The following MATR3 variants were observed in gnomAD, a reference collection of about 807,000 sequenced individuals.
MATR3 encodes the protein matrin 3.
MATR3 carries 4 observed loss-of-function variants against 85.5 expected under a neutral mutation model. The ratio of observed to expected loss-of-function variants is 0.05; its 90% confidence interval spans 0.02 to 0.11. The LOEUF (loss-of-function observed/expected upper bound fraction) is 0.11, where lower values mean the gene tolerates loss of function less well. Ranked by LOEUF, MATR3 falls within the 10% of genes least tolerant of loss-of-function variation. The pLI, the probability that MATR3 is intolerant of heterozygous loss-of-function variation, is 1.00. For missense variants in MATR3, 685 were observed against 1,016.1 expected, an observed-to-expected ratio of 0.67 and a Z score of 4.43; for synonymous variants, 336 against 343.1, an observed-to-expected ratio of 0.98 and a Z score of 0.23.
At chr5:139,304,136 G>T (rs185071138) in intron 1 of MATR3, among the ~76,000 whole-genome samples, 1 of 152,248 alleles carries the variant, frequency 6.6e-6, no homozygotes, top group Admixed American at 6.5e-5. Flanking sequence ...GCTTAAAATT[G>T]TATCATAAAA....
chr5:139,329,401 G>A lies in MATR3; in HGVS notation c.*6G>A, dbSNP rs1165255715. 6.2e-7 allele frequency: 1 copy of A among 1,608,162 alleles called. No individual in the cohort carries two copies. Among genetic ancestry groups the A allele is most frequent in the East Asian group, 2.2e-5 (1 of 44,690 alleles). ...GACAGAAGAAGGAAACTTAAGATGT[G>A]CAAGGAGATTTAATGATTTCAAAGA... On this transcript the variant is annotated 3_prime_UTR_variant, in exon 15 of 15. Transcript: ENST00000394805.
rs576428600 is a variant in MATR3 at position 139,330,431 on chromosome 5, A to T, written c.*1036A>T. On this transcript the variant is annotated 3_prime_UTR_variant, in exon 15 of 15. Coordinates refer to ENST00000394805, the MANE Select transcript of MATR3 (RefSeq NM_018834.6). ...TGTTAATTGGTTATACATGTTTGGA[A>T]TGTTAACCAACGTATTTGTCAGTTG... The T allele has an allele frequency of 4.4e-6, 2 of 454,518 alleles. No homozygotes were observed. Among genetic ancestry groups the T allele is most frequent in the East Asian group, 1.4e-4 (2 of 14,398 alleles). 28.2% of individuals were successfully genotyped at this position (454,518 alleles called of 1,614,324 possible).
intron 1 of MATR3, among the ~76,000 whole-genome samples, chr5:139,296,497 GA>G (rs1340946253): frequency 6.6e-6 from 1 of 151,888 alleles, no homozygotes; most frequent in East Asian, 1.9e-4. Flanking sequence ...TGTAATGAGA[GA>G]AAAAAATGAA....
intron 1 of MATR3, among the ~76,000 whole-genome samples, chr5:139,297,550 T>G (rs971417255): frequency 2.0e-5 from 3 of 152,240 alleles, no homozygotes; most frequent in African/African-American, 7.2e-5. Flanking sequence ...GTGTTAGGTT[T>G]TAACGCATTT....
At chr5:139,321,463 AG>A in intron 9 of MATR3, among the ~76,000 whole-genome samples, 1 of 152,062 alleles carries the variant, frequency 6.6e-6, no homozygotes, top group Middle Eastern at 3.4e-3. Context: ...CCTGATATTC[AG>A]TGAATTTTTA....
chr5:139,296,228 A>G (rs1033350827), intron 1 of MATR3, among the ~76,000 whole-genome samples: 1 of 152,226 alleles, frequency 6.6e-6, no homozygotes, highest in Non-Finnish European at 1.5e-5. Flanking sequence ...GGAATCTGCT[A>G]ATTCTGTTGT....
rs139589527 is a variant in MATR3, at chr5:139,322,810, A to C, written c.1991A>C (p.Glu664Ala). The C allele has an allele frequency of 2.5e-4, 403 of 1,614,234 alleles. 2 individuals are homozygous for C. The highest frequency in any genetic ancestry group is 4.9e-4 in the Middle Eastern group (3 of 6,062). Residue 664 changes from glutamate (E) to alanine (A), a missense_variant, in exon 12 of 15, where the codon GAA becomes GCA. Transcript: ENST00000394805. ...GATGAGCTACTTGTAGATGAAGAAG[A>C]AGCAGCAGCACTGCTAGAAAGTGGC... Reference protein sequence around the residue: ...SEDELLVDEEEAAALLESGSS... With the variant: ...SEDELLVDEEAAAALLESGSS...
intron 1 of MATR3, among the ~76,000 whole-genome samples, chr5:139,275,037 G>A (rs1753217318): frequency 6.6e-6 from 1 of 150,974 alleles, no homozygotes; most frequent in African/African-American, 2.4e-5. Flanking sequence ...GTGCAGTAGG[G>A]CGATCTCGGC....
intron 1 of MATR3, among the ~76,000 whole-genome samples, chr5:139,303,252 C>T (rs1192182792): frequency 6.6e-6 from 1 of 152,148 alleles, no homozygotes; most frequent in Non-Finnish European, 1.5e-5. Flanking sequence ...CAGGTGCGTG[C>T]CACCATGCCC....
chr5:139,288,054 T>TACCAAAAAAA (rs1174295141), intron 3 of MATR3, among the ~76,000 whole-genome samples: 11 of 151,518 alleles, frequency 7.3e-5, no homozygotes, highest in Admixed American at 1.3e-4. Flanking sequence ...CTACAAAAAA[T>TACCAAAAAAA]ACCAAAAAAA....
At chr5:139,277,541 T>C (rs1176618394) in intron 2 of MATR3, among the ~76,000 whole-genome samples, 1 of 152,132 alleles carries the variant, frequency 6.6e-6, no homozygotes, top group Non-Finnish European at 1.5e-5. Context: ...TTAAGGCTAG[T>C]GATATCTGTA....
At chr5:139,305,166 A>G (rs1424630102) in intron 1 of MATR3, among the ~76,000 whole-genome samples, 3 of 152,100 alleles carry the variant, frequency 2.0e-5, no homozygotes, top group Non-Finnish European at 4.4e-5. Flanking sequence ...TGGGATTTAC[A>G]TTGTTTGTCT....
At chr5:139,326,446 GT>G (rs1245046269) in intron 14 of MATR3, among the ~76,000 whole-genome samples, 162 bp downstream of exon 14, 1 of 147,540 alleles carries the variant, frequency 6.8e-6, no homozygotes, top group African/African-American at 2.5e-5. Flanking sequence ...TTTAAAGACA[GT>G]TTCTCTCTTG....
chr5:139,290,090 CCT>C (rs1753822723), upstream of MATR3, among the ~76,000 whole-genome samples: 1 of 152,184 alleles, frequency 6.6e-6, no homozygotes, highest in Non-Finnish European at 1.5e-5. Context: ...TCCCCCTACC[CCT>C]GTCCACTAAG....
chr5:139,315,793 A>G, intron 4 of MATR3, 55 bp downstream of exon 4: 1 of 1,360,040 alleles, frequency 7.4e-7, no homozygotes, highest in Non-Finnish European at 1.1e-6. Context: ...TAAGGAATTC[A>G]GGTTTCACTT....
At chr5:139,315,482 A>T in intron 3 of MATR3, 1 of 501,506 alleles carries the variant, frequency 2.0e-6, no homozygotes, top group Non-Finnish European at 3.6e-6. Flanking sequence ...CTGCATTTGC[A>T]AGCAATACAA....
chr5:139,303,134 C>T (rs1754537868), intron 1 of MATR3, among the ~76,000 whole-genome samples: 1 of 151,496 alleles, frequency 6.6e-6, no homozygotes, highest in Non-Finnish European at 1.5e-5. Context: ...ACGATGTTTG[C>T]TCTGTGGCCC....
At chr5:139,278,987 G>C (rs1753410263) in intron 2 of MATR3, 1 of 515,846 alleles carries the variant, frequency 1.9e-6, no homozygotes. Context: ...ATTTTTTTCT[G>C]TTTGCAGAAA....
At chr5:139,315,488 TACAAA>T in intron 3 of MATR3, 3 of 519,106 alleles carry the variant, frequency 5.8e-6, no homozygotes. Context: ...TTGCAAGCAA[TACAAA>T]ACAAGTTTAT....
Sources: allele counts gnomAD v4.1 joint callset (sites outside exome capture counted in the v4.1 genomes callset), GRCh38; gene constraint gnomAD v4.1.1; transcripts MANE v1.5; gene names NCBI Gene and HGNC (gene_info 2026-07-23, HGNC 2026-07-21).